The following C1GALT1 variants were observed in gnomAD, a reference collection of about 807,000 sequenced individuals.
The protein encoded by C1GALT1 is glycoprotein-N-acetylgalactosamine 3-beta-galactosyltransferase 1.
A neutral mutation model predicts 31.0 loss-of-function variants in C1GALT1; 11 were observed. The observed-to-expected ratio is 0.36, with a 90% CI of 0.22 to 0.59. The LOEUF (loss-of-function observed/expected upper bound fraction) is 0.59. C1GALT1 is among the 20% of genes least tolerant of loss of function. The pLI is 0.79. For missense variants in C1GALT1, 424 were observed against 425.2 expected, an observed-to-expected ratio of 1.00 and a Z score of 0.03; for synonymous variants, 175 against 143.6, an observed-to-expected ratio of 1.22 and a Z score of -1.56.
intron 1 of C1GALT1, among the ~76,000 whole-genome samples, chr7:7,224,255 GTAGTTTTTTT>G (rs1040959567): frequency 6.8e-6 from 1 of 147,176 alleles, no homozygotes; most frequent in African/African-American, 2.6e-5. Flanking sequence ...GTAGTAGTCT[GTAGTTTTTTT>G]TGGTTTTTTT....
chr7:7,237,229 A>G (rs903263467), intron 2 of C1GALT1, among the ~76,000 whole-genome samples: 8 of 152,218 alleles, frequency 5.3e-5, no homozygotes, highest in African/African-American at 1.9e-4. Context: ...TTCACCACAG[A>G]TAGCTTGGGA....
At chr7:7,229,078 G>A (rs1223212727) in intron 1 of C1GALT1, among the ~76,000 whole-genome samples, 3 of 152,144 alleles carry the variant, frequency 2.0e-5, no homozygotes, top group Non-Finnish European at 4.4e-5. Context: ...AATTTTCTCT[G>A]GTCCTGCAGT....
In C1GALT1 at chr7:7,243,649, C is replaced by G. The variant is rs772060079; in HGVS notation, c.1014C>G (p.Thr338=). The G allele has an allele frequency of 6.2e-7, 1 of 1,611,156 alleles. No homozygotes were observed. Among genetic ancestry groups the G allele is most frequent in the South Asian group, 1.1e-5 (1 of 90,474 alleles). ...PYGYLYRYQP[T]LPERILKEIS... ...GTTATTTATACAGATATCAACCTAC[C>G]TTACCTGAACGTATACTAAAGGAAA... Residue 338 remains threonine (T), a synonymous_variant, in exon 4 of 4, where the codon ACC becomes ACG. Coordinates refer to ENST00000436587, the MANE Select transcript of C1GALT1 (RefSeq NM_020156.5).
At chr7:7,167,828 A>T (rs1470046422) in intron 2 of C1GALT1, among the ~76,000 whole-genome samples, 1 of 152,082 alleles carries the variant, frequency 6.6e-6, no homozygotes, top group Non-Finnish European at 1.5e-5. Context: ...TACTCCTATG[A>T]AGCAGCAAAA....
chr7:7,245,027 C>T lies in C1GALT1; in HGVS notation c.*1300C>T, dbSNP rs1401468991. On this transcript the variant is annotated 3_prime_UTR_variant, in exon 4 of 4. Transcript: ENST00000436587. Reference sequence around the variant, plus strand: ...ATGTTTCATTCTATTTTTAGTGACTCTGTTTAAAGAGTTTCTGAAAGGAAA... The same window carrying T: ...ATGTTTCATTCTATTTTTAGTGACTTTGTTTAAAGAGTTTCTGAAAGGAAA... 6.6e-6 allele frequency: 1 copy of T among 151,992 alleles called. No homozygotes were observed. The highest frequency in any genetic ancestry group is 6.5e-5 in the Admixed American group (1 of 15,268). The allele number at this position is 151,992 out of a possible 1,614,324, so 9.4% of individuals were successfully genotyped here. A position where few individuals can be genotyped will look rare whatever the true frequency, so the allele number is the denominator to read the frequency against.
At chr7:7,214,765 G>T (rs1782155459) in intron 1 of C1GALT1, among the ~76,000 whole-genome samples, 1 of 152,172 alleles carries the variant, frequency 6.6e-6, no homozygotes, top group African/African-American at 2.4e-5. Context: ...AACTTTCGGA[G>T]AAGCCGGGTT....
chr7:7,169,704 T>G (rs1323302684), intron 2 of C1GALT1, among the ~76,000 whole-genome samples: 1 of 152,220 alleles, frequency 6.6e-6, no homozygotes, highest in East Asian at 1.9e-4. Flanking sequence ...GCAAGTCTTT[T>G]GTCCATTTTT....
At chr7:7,217,396 C>T (rs1782295952) in intron 1 of C1GALT1, among the ~76,000 whole-genome samples, 1 of 151,946 alleles carries the variant, frequency 6.6e-6, no homozygotes, top group Admixed American at 6.6e-5. Flanking sequence ...CATGGTCTTG[C>T]TACATCACCC....
intron 2 of C1GALT1, among the ~76,000 whole-genome samples, chr7:7,236,658 A>G (rs1464497609): frequency 6.6e-6 from 1 of 151,884 alleles, no homozygotes; most frequent in Non-Finnish European, 1.5e-5. Context: ...AGTAGCTGGG[A>G]TTACAGGCGC....
At position 7,246,662 on chromosome 7, in the gene C1GALT1, T is replaced by C. The variant is rs2128255592; in HGVS notation, c.*2935T>C. 1 of 152,752 alleles carries C rather than the reference T, an allele frequency of 6.5e-6. No individual in the cohort carries two copies. The highest frequency in any genetic ancestry group is 1.9e-4 in the East Asian group (1 of 5,210). The allele number at this position is 152,752 out of a possible 1,614,324, so 9.5% of individuals were successfully genotyped here. On this transcript the variant is annotated 3_prime_UTR_variant, in exon 4 of 4. Coordinates refer to ENST00000436587, the MANE Select transcript of C1GALT1 (RefSeq NM_020156.5). ...CTCAGATCAGATCTACTAAATCAGA[T>C]ACTCTAGGGGCAGGGGCAGGGGCAG...
chr7:7,200,827 G>A (rs554029811), intron 1 of C1GALT1, among the ~76,000 whole-genome samples: 1 of 152,262 alleles, frequency 6.6e-6, no homozygotes, highest in Non-Finnish European at 1.5e-5. Flanking sequence ...TAGTTCTTGT[G>A]CCATGGTTTT....
intron 1 of C1GALT1, among the ~76,000 whole-genome samples, chr7:7,211,162 TTC>T (rs1781987207): frequency 6.6e-6 from 1 of 152,142 alleles, no homozygotes; most frequent in Non-Finnish European, 1.5e-5. Flanking sequence ...GATTGATTGC[TTC>T]TAGGTGAGAG....
rs1222591238 is a variant in C1GALT1 at position 7,244,397 on chromosome 7, T to C, written c.*670T>C. ...TATACTTGATTCTAATTAGTCATCT[T>C]TTACGCAATCTCTGTTGTCTCTTTT... is the stretch of plus-strand genomic sequence containing the variant. On this transcript the variant is annotated 3_prime_UTR_variant, in exon 4 of 4. Transcript: ENST00000436587. 3.3e-5 allele frequency: 5 copies of C among 152,196 alleles called. No individual in the cohort carries two copies. Among genetic ancestry groups the C allele is most frequent in the Admixed American group, 1.3e-4 (2 of 15,284 alleles). The allele number at this position is 152,196 out of a possible 1,614,324, so 9.4% of individuals were successfully genotyped here.
intron 1 of C1GALT1, among the ~76,000 whole-genome samples, chr7:7,220,013 G>C (rs1782438131): frequency 6.6e-6 from 1 of 151,956 alleles, no homozygotes; most frequent in Non-Finnish European, 1.5e-5. Context: ...TTTTCATTTA[G>C]CACATCCTTG....
chr7:7,158,577 T>TA, intron 2 of C1GALT1, among the ~76,000 whole-genome samples: 1 of 150,614 alleles, frequency 6.6e-6, no homozygotes, highest in Non-Finnish European at 1.5e-5. Context: ...TACACATACA[T>TA]TTTTATATAT....
At chr7:7,197,543 A>G (rs1222897835) in intron 1 of C1GALT1, among the ~76,000 whole-genome samples, 6 of 152,142 alleles carry the variant, frequency 3.9e-5, no homozygotes, top group Admixed American at 6.5e-5. Context: ...TTGGTTCCAT[A>G]TGAACTTTAA....
At chr7:7,173,712 C>T (rs149299956) in intron 2 of C1GALT1, among the ~76,000 whole-genome samples, 23 of 152,128 alleles carry the variant, frequency 1.5e-4, no homozygotes, top group South Asian at 8.3e-4. Flanking sequence ...GACCAGTCTG[C>T]GCAACATGGT....
chr7:7,237,172 A>G (rs1247310715), intron 2 of C1GALT1, among the ~76,000 whole-genome samples: 1 of 152,198 alleles, frequency 6.6e-6, no homozygotes, highest in Non-Finnish European at 1.5e-5. Flanking sequence ...ATTCATTTTT[A>G]TCCTATTTAC....
intron 2 of C1GALT1, among the ~76,000 whole-genome samples, chr7:7,168,305 C>T (rs1478629739): frequency 2.0e-5 from 3 of 152,090 alleles, no homozygotes; most frequent in African/African-American, 7.2e-5. Context: ...CAGGAGGAGA[C>T]AACACTTCAG....
Sources: gnomAD v4.1 joint callset for allele counts (sites outside exome capture counted in the v4.1 genomes callset) on GRCh38, gnomAD v4.1.1 for gene constraint, MANE v1.5 for transcripts, NCBI Gene and HGNC (gene_info 2026-07-23, HGNC 2026-07-21) for gene names.